The following HDAC9 variants were observed in gnomAD, a reference collection of about 807,000 sequenced individuals.
HDAC9 encodes the protein MEF-2 interacting transcription repressor (MITR) protein.
In HDAC9, 41 loss-of-function variants were observed where a neutral mutation model predicts 139.4. The observed-to-expected ratio is 0.29, with a 90% CI of 0.23 to 0.38. The LOEUF is 0.38. Ranked by LOEUF, HDAC9 falls within the 10% of genes least tolerant of loss-of-function variation. The pLI is 1.00. For missense variants in HDAC9, 1,147 were observed against 1,297.0 expected, an observed-to-expected ratio of 0.88 and a Z score of 1.78; for synonymous variants, 517 against 476.2, an observed-to-expected ratio of 1.09 and a Z score of -1.12.
chr7:18,668,624 A>C, intron 12 of HDAC9: 1 of 983,578 alleles, frequency 1.0e-6, no homozygotes, highest in Non-Finnish European at 1.2e-6. Flanking sequence ...CTTTGAATTT[A>C]ATCAAGAAAC....
chr7:18,874,515 G>C lies in HDAC9; in HGVS notation c.2722G>C (p.Asp908His), dbSNP rs1799174017. Residue 908 changes from aspartate (D) to histidine (H), a missense_variant, in exon 22 of 26, where the codon GAC becomes CAC. Physicochemically the swap from Asp to His is moderately conservative, Grantham distance 81 (BLOSUM62 -1). This residue lies in a region of HDAC9 where 407 missense variants were observed against 521.5 expected (regional missense o/e 0.78). Coordinates refer to ENST00000686413, the MANE Select transcript of HDAC9 (RefSeq NM_178425.4). ...GCCTGTGGCCAAAGAGTTTGATCCA[G>C]ACATGGTCTTAGTATCTGCTGGATT... is the stretch of plus-strand genomic sequence containing the variant. ...VKPVAKEFDP[D>H]MVLVSAGFDA... 6.3e-7 allele frequency: 1 copy of C among 1,593,644 alleles called. No individual in the cohort carries two copies. The highest frequency in any genetic ancestry group is 8.6e-7 in the Non-Finnish European group (1 of 1,169,098).
chr7:18,692,978 G>A (rs933113659), intron 12 of HDAC9, among the ~76,000 whole-genome samples: 4 of 151,882 alleles, frequency 2.6e-5, no homozygotes, highest in Admixed American at 6.6e-5. Context: ...CTGTTTTAAA[G>A]ACTAAGCTAT....
chr7:18,107,509 C>T (rs1783308287), intron 1 of HDAC9, among the ~76,000 whole-genome samples: 1 of 135,760 alleles, frequency 7.4e-6, no homozygotes, highest in Non-Finnish European at 1.7e-5. Flanking sequence ...CTTTCTTGCT[C>T]TCTCTCTCTC....
At chr7:18,426,549 C>T (rs1315970808) in intron 1 of HDAC9, among the ~76,000 whole-genome samples, 5 of 152,158 alleles carry the variant, frequency 3.3e-5, no homozygotes, top group Non-Finnish European at 7.3e-5. Context: ...TGTATGAACA[C>T]ACTGAAAGGA....
chr7:18,497,440 T>A (rs920552838), intron 2 of HDAC9, among the ~76,000 whole-genome samples: 1 of 152,156 alleles, frequency 6.6e-6, no homozygotes, highest in African/African-American at 2.4e-5. Context: ...AAAGCTAGTT[T>A]TCTTTAAACC....
At chr7:18,334,651 A>G (rs1262326024) in intron 1 of HDAC9, among the ~76,000 whole-genome samples, 1 of 151,570 alleles carries the variant, frequency 6.6e-6, no homozygotes, top group East Asian at 1.9e-4. Flanking sequence ...CCACTCAAAT[A>G]GTAATAAGAA....
intron 2 of HDAC9, among the ~76,000 whole-genome samples, chr7:18,582,643 T>C (rs1184379972): frequency 6.6e-6 from 1 of 152,220 alleles, no homozygotes. Context: ...GGATGCGACA[T>C]ATTTTGCTGA....
intron 1 of HDAC9, among the ~76,000 whole-genome samples, chr7:18,097,096 GGCCTGAATT>G (rs1369312851): frequency 6.6e-6 from 1 of 152,184 alleles, no homozygotes; most frequent in Non-Finnish European, 1.5e-5. Context: ...TGTGGCCAAT[GGCCTGAATT>G]GAGTTTTATT....
In HDAC9 at chr7:18,093,646, T is replaced by C. The variant is rs572151761; in HGVS notation, c.-97+6433T>C. Among the ~76,000 whole-genome samples the C allele has an allele frequency of 2.0e-5, 3 of 152,352 alleles. No homozygotes were observed. The South Asian group carries it at 6.2e-4, about 32-fold the overall frequency. The stretch of plus-strand genomic sequence containing the variant: ...CTGTGTCTCCTTTCTTTCCTATATG[T>C]AGATTTCTACTATTAAATTAAATCA... On this transcript the variant is annotated intron_variant, in intron 1 of 12. Transcript: ENST00000417496.
In HDAC9 at chr7:19,000,140, TTTG is replaced by T. The variant is rs1474271029; in HGVS notation, c.*4083_*4085del. On this transcript the variant is annotated 3_prime_UTR_variant, in exon 26 of 26. Transcript: ENST00000686413. ...GGTCTATGCTAAGAAGTGAAGGCAT[TTTG>T]TTGTCTTCAGAACTGATCAACATGG... 1.3e-5 allele frequency: 2 copies of T among 152,212 alleles called. No homozygotes were observed. Among genetic ancestry groups the T allele is most frequent in the Non-Finnish European group, 2.9e-5 (2 of 68,038 alleles). 9.4% of individuals were successfully genotyped at this position (152,212 alleles called of 1,614,324 possible). A position where few individuals can be genotyped will look rare whatever the true frequency, so the allele number is the denominator to read the frequency against.
chr7:18,745,304 T>C (rs1195792248), intron 13 of HDAC9, among the ~76,000 whole-genome samples: 2 of 152,206 alleles, frequency 1.3e-5, no homozygotes, highest in East Asian at 3.9e-4. Context: ...TATTTCCCTT[T>C]AAATTCAAAT....
intron 14 of HDAC9, among the ~76,000 whole-genome samples, chr7:18,758,057 G>A (rs909159950): frequency 1.3e-5 from 2 of 152,090 alleles, no homozygotes; most frequent in South Asian, 2.1e-4. Context: ...CTAAGTGCAC[G>A]TCACAGGGAA....
At chr7:18,708,584 A>G (rs1784112211) in intron 12 of HDAC9, among the ~76,000 whole-genome samples, 1 of 152,180 alleles carries the variant, frequency 6.6e-6, no homozygotes, top group African/African-American at 2.4e-5. Context: ...GGAAAGGGAG[A>G]GAAATAAGCC....
At chr7:18,610,391 C>T (rs1036498894) in intron 6 of HDAC9, among the ~76,000 whole-genome samples, 1 of 152,084 alleles carries the variant, frequency 6.6e-6, no homozygotes, top group Non-Finnish European at 1.5e-5. Flanking sequence ...TGCTCTCCCT[C>T]CAAATTTTGA....
intron 6 of HDAC9, among the ~76,000 whole-genome samples, chr7:18,619,643 A>G (rs1839674125): frequency 6.6e-6 from 1 of 152,214 alleles, no homozygotes; most frequent in African/African-American, 2.4e-5. Context: ...GAGCCTGTCT[A>G]CATTCTGAGA....
intron 17 of HDAC9, among the ~76,000 whole-genome samples, chr7:18,803,763 A>ACTCAGT (rs1252745418): frequency 6.6e-6 from 1 of 151,974 alleles, no homozygotes; most frequent in Admixed American, 6.6e-5. Flanking sequence ...AGTGGATTTT[A>ACTCAGT]CTCAGTCAAG....
chr7:18,774,336 A>G (rs1029820552), intron 16 of HDAC9, among the ~76,000 whole-genome samples: 1 of 152,034 alleles, frequency 6.6e-6, no homozygotes, highest in Admixed American at 6.6e-5. Context: ...TTATTCTGTT[A>G]TATTCTAAAT....
intron 22 of HDAC9, among the ~76,000 whole-genome samples, chr7:18,876,908 G>C (rs558498651): frequency 6.6e-6 from 1 of 152,024 alleles, no homozygotes; most frequent in South Asian, 2.1e-4. Context: ...CATCATGTTG[G>C]TCAGGCTGGT....
intron 22 of HDAC9, among the ~76,000 whole-genome samples, chr7:18,877,838 T>C (rs77373808): frequency 0.012 from 1,757 of 152,296 alleles, 36 homozygotes; most frequent in African/African-American, 0.039. Context: ...TCCTCTCCTT[T>C]CTTTATATAT....
Sources: gnomAD v4.1 joint callset for allele counts (sites outside exome capture counted in the v4.1 genomes callset) on GRCh38, gnomAD v4.1.1 for gene constraint, gnomAD v4.1.1 regional missense constraint, MANE v1.5 for transcripts, NCBI Gene and HGNC (gene_info 2026-07-23, HGNC 2026-07-21) for gene names.